CTNNA3: variants seen among roughly 807,000 people sequenced by gnomAD.
CTNNA3 encodes catenin alpha-3.
Under a neutral mutation model 95.7 loss-of-function variants are expected in CTNNA3, and 76 were observed. That is an observed-to-expected ratio of 0.79 (90% CI 0.66 to 0.96). The LOEUF is 0.96. Ranked by LOEUF, CTNNA3 falls within the 40% of genes least tolerant of loss-of-function variation. The probability of loss-of-function intolerance (pLI) is 0.00; values close to 1 mark genes in which losing one functional copy is unlikely to be tolerated. For missense variants in CTNNA3, 1,191 were observed against 1,089.8 expected, an observed-to-expected ratio of 1.09 and a Z score of -1.31; for synonymous variants, 431 against 374.4, an observed-to-expected ratio of 1.15 and a Z score of -1.74.
At chr10:66,964,944 A>G (rs1564798774) in intron 7 of CTNNA3, among the ~76,000 whole-genome samples, 2 of 152,220 alleles carry the variant, frequency 1.3e-5, no homozygotes, top group Non-Finnish European at 2.9e-5. Context: ...ACATTTTGGA[A>G]TAATAGAAAA....
chr10:67,264,906 G>A (rs1031285670), intron 5 of CTNNA3, among the ~76,000 whole-genome samples: 1 of 152,142 alleles, frequency 6.6e-6, no homozygotes, highest in Non-Finnish European at 1.5e-5. Flanking sequence ...ATCGAGAAAA[G>A]ACTATGAAAA....
At chr10:65,988,880 A>T (rs1014812220) in intron 15 of CTNNA3, 83 bp from the exon 16 acceptor site, 1 of 893,206 alleles carries the variant, frequency 1.1e-6, no homozygotes, top group Non-Finnish European at 1.8e-6. Context: ...AAAATGTATT[A>T]ATCTATGCGT....
intron 15 of CTNNA3, among the ~76,000 whole-genome samples, chr10:66,029,859 G>A (rs2079415723): frequency 6.6e-6 from 1 of 152,094 alleles, no homozygotes; most frequent in African/African-American, 2.4e-5. Context: ...CAACTTTGAA[G>A]TACTGGAATT....
intron 3 of CTNNA3, among the ~76,000 whole-genome samples, chr10:67,577,695 C>G (rs112936208): frequency 1.5e-5 from 2 of 132,682 alleles, no homozygotes; most frequent in Non-Finnish European, 1.5e-5. Context: ...TATATATATA[C>G]ACACATATGT....
At chr10:66,964,147 G>T (rs1328474358) in intron 7 of CTNNA3, among the ~76,000 whole-genome samples, 3 of 152,050 alleles carry the variant, frequency 2.0e-5, no homozygotes, top group South Asian at 4.1e-4. Flanking sequence ...ACCGCACCCA[G>T]CCAGACATCA....
intron 11 of CTNNA3, among the ~76,000 whole-genome samples, chr10:66,453,089 C>T (rs2093475162): frequency 1.3e-5 from 2 of 151,928 alleles, no homozygotes; most frequent in South Asian, 4.2e-4. Context: ...TGGCGGCATG[C>T]ACCTGTAGTC....
In CTNNA3 at chr10:66,900,364, C is replaced by T. The variant is rs146818146; in HGVS notation, c.1048-124840G>A. On this transcript the variant is annotated intron_variant, in intron 7 of 17. Coordinates refer to ENST00000433211, the MANE Select transcript of CTNNA3 (RefSeq NM_013266.4). ...GACATCCCCAATAAAACCCCATCTG[C>T]AGGTCACCAATGTCAAAGACCAAAG... Among the ~76,000 whole-genome samples, 808 of 152,198 alleles carry T rather than the reference C, an allele frequency of 5.3e-3. 9 individuals carry two copies. Among genetic ancestry groups the T allele is most frequent in the African/African-American group, 0.018 (754 of 41,536 alleles).
At chr10:67,629,319 C>T (rs1839061128) in intron 2 of CTNNA3, among the ~76,000 whole-genome samples, 1 of 152,176 alleles carries the variant, frequency 6.6e-6, no homozygotes, top group Admixed American at 6.5e-5. Flanking sequence ...CACCCCTACA[C>T]TGCTTTGAAG....
chr10:66,676,276 G>A (rs1846853301), intron 9 of CTNNA3, among the ~76,000 whole-genome samples: 1 of 152,038 alleles, frequency 6.6e-6, no homozygotes, highest in African/African-American at 2.4e-5. Flanking sequence ...TCAACTTTAT[G>A]CAGTGAAGGA....
At chr10:67,394,237 T>A (rs1844633715) in intron 5 of CTNNA3, among the ~76,000 whole-genome samples, 1 of 152,010 alleles carries the variant, frequency 6.6e-6, no homozygotes, top group Non-Finnish European at 1.5e-5. Context: ...AATGCTTAAC[T>A]TTATATCTCA....
chr10:66,641,244 A>G (rs1437545952), intron 9 of CTNNA3, among the ~76,000 whole-genome samples: 1 of 152,190 alleles, frequency 6.6e-6, no homozygotes, highest in Non-Finnish European at 1.5e-5. Context: ...ATAAATTCCA[A>G]CACACATAGA....
intron 5 of CTNNA3, among the ~76,000 whole-genome samples, chr10:67,370,434 T>C (rs1183220243): frequency 2.6e-5 from 4 of 152,184 alleles, no homozygotes; most frequent in Non-Finnish European, 5.9e-5. Context: ...ATCTGAAGTA[T>C]TTTTCTAAAT....
At chr10:66,867,792 A>C (rs529689003) in intron 7 of CTNNA3, among the ~76,000 whole-genome samples, 2 of 151,836 alleles carry the variant, frequency 1.3e-5, no homozygotes, top group South Asian at 4.2e-4. Context: ...TTCAATGTAC[A>C]GATACACATT....
At chr10:66,051,270 A>G (rs1161661750) in intron 15 of CTNNA3, among the ~76,000 whole-genome samples, 1 of 152,240 alleles carries the variant, frequency 6.6e-6, no homozygotes, top group Non-Finnish European at 1.5e-5. Flanking sequence ...TTTTACGTGA[A>G]GACCATAATC....
intron 7 of CTNNA3, among the ~76,000 whole-genome samples, chr10:66,826,685 A>G (rs1035586070): frequency 1.3e-5 from 2 of 152,180 alleles, no homozygotes; most frequent in African/African-American, 4.8e-5. Context: ...TGAGATATAT[A>G]TTTTAGCTCA....
chr10:66,472,561 G>T (rs1564996470), intron 11 of CTNNA3, among the ~76,000 whole-genome samples: 1 of 151,872 alleles, frequency 6.6e-6, no homozygotes, highest in Non-Finnish European at 1.5e-5. Context: ...TTATATTTAT[G>T]TATTAAGTTT....
At chr10:67,480,195 T>G (rs1309726474) in intron 5 of CTNNA3, among the ~76,000 whole-genome samples, 1 of 152,004 alleles carries the variant, frequency 6.6e-6, no homozygotes, top group Non-Finnish European at 1.5e-5. Context: ...CTGAAACTAT[T>G]CTAAAAAACT....
intron 9 of CTNNA3, among the ~76,000 whole-genome samples, chr10:66,685,219 GTA>G (rs1407989610): frequency 4.6e-4 from 61 of 131,992 alleles, no homozygotes; most frequent in African/African-American, 1.6e-3. Context: ...ATATATATGT[GTA>G]TATATATACG....
intron 11 of CTNNA3, among the ~76,000 whole-genome samples, chr10:66,391,918 T>C (rs186046249): frequency 6.6e-5 from 10 of 151,946 alleles, no homozygotes; most frequent in African/African-American, 2.4e-4. Context: ...AGAAAAGATA[T>C]AAAGCAAACA....
Sources: allele counts gnomAD v4.1 joint callset (sites outside exome capture counted in the v4.1 genomes callset), GRCh38; gene constraint gnomAD v4.1.1; transcripts MANE v1.5; gene names NCBI Gene and HGNC (gene_info 2026-07-23, HGNC 2026-07-21).